The following C1QTNF1 variants were observed in gnomAD, a reference collection of about 807,000 sequenced individuals.
The protein encoded by C1QTNF1 is complement C1q tumor necrosis factor-related protein 1.
Under a neutral mutation model 27.8 loss-of-function variants are expected in C1QTNF1, and 22 were observed. The ratio of observed to expected loss-of-function variants is 0.79; its 90% CI spans 0.56 to 1.13. The LOEUF is 1.13. Ranked by LOEUF, C1QTNF1 falls within the 50% of genes most tolerant of loss-of-function variation. The pLI is 0.00. For missense variants in C1QTNF1, 373 were observed against 380.2 expected (o/e 0.98, Z 0.16); for synonymous variants, 166 against 154.3 (o/e 1.08, Z -0.56).
chr17:79,047,924 C>T lies in C1QTNF1; in HGVS notation c.682C>T (p.Arg228Cys), dbSNP rs748705009. 2.4e-5 allele frequency: 38 copies of T among 1,613,864 alleles called. No homozygotes were observed. The highest frequency in any genetic ancestry group is 1.8e-4 in the East Asian group (8 of 44,886). The change falls in exon 4 of 4, where the codon CGC becomes TGC. Residue 228 changes from arginine to cysteine, a missense_variant. Physicochemically the swap from Arg to Cys is radical, Grantham distance 180. Coordinates refer to ENST00000579760, the MANE Select transcript of C1QTNF1 (RefSeq NM_030968.5). ...VVILFAQVGD[R>C]SIMQSQSLML... ...GATCTTGTTCGCGCAGGTGGGCGAC[C>T]GCAGCATCATGCAAAGCCAGAGCCT...
chr17:79,046,636 C>A lies in C1QTNF1; in HGVS notation c.237C>A (p.Pro79=), dbSNP rs11077409. 3.1e-6 allele frequency: 5 copies of A among 1,614,018 alleles called. No individual in the cohort carries two copies. Among genetic ancestry groups the A allele is most frequent in the Non-Finnish European group, 4.2e-6 (5 of 1,180,020 alleles). ...PASRCLRCCD[P]GTSMYPATAV... ...CCCGGTGCTTGCGCTGCTGTGACCC[C>A]GGTACCTCCATGTACCCGGCGACCG... The change falls in exon 3 of 4, where the codon CCC becomes CCA. Residue 79 remains proline, a synonymous_variant. Coordinates refer to ENST00000579760, the MANE Select transcript of C1QTNF1 (RefSeq NM_030968.5). The surrounding 1 kb of genome is among the most constrained non-coding windows in gnomAD (Gnocchi z 4.8).
Position 79,047,925 on chromosome 17 carries a change from G to A in C1QTNF1, c.683G>A (p.Arg228His), listed in dbSNP as rs546733985. 2.5e-6 allele frequency: 4 copies of A among 1,613,954 alleles called. No individual in the cohort carries two copies. Among genetic ancestry groups the A allele is most frequent in the Admixed American group, 3.3e-5 (2 of 60,020 alleles). Reference sequence around the variant, plus strand: ...ATCTTGTTCGCGCAGGTGGGCGACCGCAGCATCATGCAAAGCCAGAGCCTG... The same window carrying A: ...ATCTTGTTCGCGCAGGTGGGCGACCACAGCATCATGCAAAGCCAGAGCCTG... ...VVILFAQVGD[R>H]SIMQSQSLML... The change falls in exon 4 of 4, where the codon CGC becomes CAC. Residue 228 changes from arginine to histidine, a missense_variant. Physicochemically the swap from Arg to His is conservative, Grantham distance 29. Coordinates refer to ENST00000579760, the MANE Select transcript of C1QTNF1 (RefSeq NM_030968.5).
At chr17:79,029,669 C>T (rs142956495) in intron 1 of C1QTNF1, among the ~76,000 whole-genome samples, 12 of 152,204 alleles carry the variant, frequency 7.9e-5, no homozygotes, top group Admixed American at 3.3e-4. Flanking sequence ...TTCTGTTTCA[C>T]GGCTGCAGGC....
At position 79,046,852 on chromosome 17, in the gene C1QTNF1, C is replaced by A; in HGVS notation, c.295+158C>A. The stretch of plus-strand genomic sequence containing the variant: ...AGGCTGTCATCTAGAGGGGAAGGCA[C>A]AGGAAATTCTGATTTTGAGGCTCTG... On this transcript the variant is annotated intron_variant, in intron 3 of 3. Coordinates refer to ENST00000579760, the MANE Select transcript of C1QTNF1 (RefSeq NM_030968.5). The surrounding 1 kb of genome is among the most constrained non-coding windows in gnomAD (Gnocchi z 4.8). 1 of 980,294 alleles carries A rather than the reference C, an allele frequency of 1.0e-6. No homozygotes were observed. The highest frequency in any genetic ancestry group is 1.6e-5 in the African/African-American group (1 of 61,132). 60.7% of individuals were successfully genotyped at this position (980,294 alleles called of 1,614,324 possible). A position where few individuals can be genotyped will look rare whatever the true frequency, so the allele number is the denominator to read the frequency against.
chr17:79,029,244 C>T (rs1568060119), intron 1 of C1QTNF1, among the ~76,000 whole-genome samples: 1 of 152,186 alleles, frequency 6.6e-6, no homozygotes, highest in Admixed American at 6.5e-5. Flanking sequence ...GGTCGCTGCA[C>T]CATGGCTTGG....
At chr17:79,044,935 A>G (rs894607946) in intron 2 of C1QTNF1, among the ~76,000 whole-genome samples, 6 of 152,098 alleles carry the variant, frequency 3.9e-5, no homozygotes, top group African/African-American at 9.7e-5. Context: ...TCTTTCTTTG[A>G]TTGAGCCCCT....
At chr17:79,030,529 C>CTTTCTTTCTTTCTTTCT (rs67155586) in intron 1 of C1QTNF1, among the ~76,000 whole-genome samples, 1 of 59,866 alleles carries the variant, frequency 1.7e-5, no homozygotes, top group Non-Finnish European at 4.0e-5. Flanking sequence ...TTCTTTCTTT[C>CTTTCTTTCTTTCTTTCT]TTCTTTCTTT....
intron 1 of C1QTNF1, among the ~76,000 whole-genome samples, chr17:79,036,857 C>T (rs1305518901): frequency 1.3e-5 from 2 of 152,238 alleles, no homozygotes; most frequent in Admixed American, 1.3e-4. Flanking sequence ...TCTGCCAAGG[C>T]TCCTTCCAAT....
In C1QTNF1 at chr17:79,043,623, A is replaced by C. The variant is rs1227664827; in HGVS notation, c.-14-332A>C. On this transcript the variant is annotated intron_variant, in intron 1 of 3. Coordinates refer to ENST00000579760, the MANE Select transcript of C1QTNF1 (RefSeq NM_030968.5). ...TTGCATGTGTGTTGGGTGCATGTGA[A>C]TGTGTGGGTTGCATGTGAGTGTATG... 1.5e-5 allele frequency: 7 copies of C among 469,702 alleles called. No individual in the cohort carries two copies. In the East Asian group the frequency reaches 1.9e-4, roughly 12 times the overall value. 29.1% of individuals were successfully genotyped at this position (469,702 alleles called of 1,614,324 possible). A position where few individuals can be genotyped will look rare whatever the true frequency, so the allele number is the denominator to read the frequency against.
intron 1 of C1QTNF1, chr17:79,043,399 ATG>A (rs1029000304): frequency 1.1e-4 from 49 of 450,770 alleles, no homozygotes; most frequent in Non-Finnish European, 2.1e-4. Flanking sequence ...ATGTATGTGC[ATG>A]TGAGTGTGAG....
intron 1 of C1QTNF1, among the ~76,000 whole-genome samples, chr17:79,026,461 C>T (rs1020587457): frequency 6.6e-6 from 1 of 152,176 alleles, no homozygotes; most frequent in African/African-American, 2.4e-5. Flanking sequence ...GCCTCCGGGG[C>T]GTATACTTTT....
intron 1 of C1QTNF1, 72 bp from the exon 2 acceptor site, chr17:79,043,883 A>G (rs1184157345): frequency 1.9e-6 from 3 of 1,565,398 alleles, no homozygotes; most frequent in Admixed American, 1.7e-5. Flanking sequence ...TTCTCTCCCC[A>G]ATTTTCAGGC....
intron 1 of C1QTNF1, among the ~76,000 whole-genome samples, chr17:79,038,215 C>T (rs2072311087): frequency 6.6e-6 from 1 of 152,132 alleles, no homozygotes; most frequent in Admixed American, 6.5e-5. Flanking sequence ...GTCTTGAACT[C>T]CTGACCTCAG....
intron 1 of C1QTNF1, among the ~76,000 whole-genome samples, chr17:79,036,978 G>A (rs1321746697): frequency 2.0e-5 from 3 of 152,178 alleles, no homozygotes; most frequent in Non-Finnish European, 2.9e-5. Flanking sequence ...GCCCTGCGCT[G>A]GGTGGAGCAT....
intron 1 of C1QTNF1, chr17:79,025,917 ATC>A: frequency 2.3e-6 from 1 of 439,534 alleles, no homozygotes; most frequent in Non-Finnish European, 4.6e-6. Context: ...CATCATCATC[ATC>A]ATGATGTCAG....
chr17:79,044,205 A>G (rs2145925863), intron 2 of C1QTNF1, 82 bp downstream of exon 2: 1 of 1,418,506 alleles, frequency 7.0e-7, no homozygotes, highest in Non-Finnish European at 9.3e-7. Flanking sequence ...TGGGGGAGCT[A>G]GTTCACTGTG....
At chr17:79,035,434 T>C (rs2072242105) in intron 1 of C1QTNF1, among the ~76,000 whole-genome samples, 1 of 117,512 alleles carries the variant, frequency 8.5e-6, no homozygotes, top group Non-Finnish European at 1.6e-5. Flanking sequence ...GGCTGAATCG[T>C]ATTTTTTTTT....
In C1QTNF1 at chr17:79,046,556, G is replaced by A. The variant is rs762896549; in HGVS notation, c.157G>A (p.Ala53Thr). The A allele has an allele frequency of 4.3e-6, 7 of 1,614,044 alleles. No homozygotes were observed. The highest frequency in any genetic ancestry group is 1.6e-4 in the Middle Eastern group (1 of 6,064). Residue 53 changes from alanine to threonine, a missense_variant and splice_region_variant, in exon 3 of 4, where the codon GCT becomes ACT. Ala to Thr is a moderately conservative substitution (Grantham distance 58). Transcript: ENST00000579760. The surrounding 1 kb of genome is among the most constrained non-coding windows in gnomAD (Gnocchi z 4.8). ...CACTGTGATTCTTTATTCCCTCAGG[G>A]CTGAAGAACAACATGAAAAATACAG... ...LPSPPDHAER[A>T]EEQHEKYRPS...
intron 1 of C1QTNF1, among the ~76,000 whole-genome samples, chr17:79,037,982 AT>A (rs1223281928): frequency 3.4e-5 from 5 of 147,304 alleles, no homozygotes; most frequent in African/African-American, 1.3e-4. Flanking sequence ...AAGGGATACA[AT>A]TTTTTTCTTT....
Sources: allele counts gnomAD v4.1 joint callset (sites outside exome capture counted in the v4.1 genomes callset), GRCh38; gene constraint gnomAD v4.1.1; non-coding constraint Gnocchi (gnomAD v3.1); transcripts MANE v1.5; gene names NCBI Gene and HGNC (gene_info 2026-07-23, HGNC 2026-07-21).